The following RALYL variants were observed in gnomAD, a reference collection of about 807,000 sequenced individuals.
The protein encoded by RALYL is RALY RNA binding protein like.
In RALYL, 29 loss-of-function variants were observed where a neutral mutation model predicts 35.1. The ratio of observed to expected loss-of-function variants is 0.83; its 90% confidence interval spans 0.61 to 1.13. The LOEUF (loss-of-function observed/expected upper bound fraction) is 1.13. RALYL is among the 50% of genes most tolerant of loss of function. The pLI, the probability that RALYL is intolerant of heterozygous loss-of-function variation, is 0.00. For missense variants in RALYL, 359 were observed against 360.4 expected (o/e 1.00, Z 0.03); for synonymous variants, 120 against 127.6 (o/e 0.94, Z 0.40).
intron 2 of RALYL, among the ~76,000 whole-genome samples, chr8:84,764,296 G>A (rs978466968): frequency 6.6e-6 from 1 of 152,058 alleles, no homozygotes; most frequent in African/African-American, 2.4e-5. Flanking sequence ...AAATGTTCAT[G>A]TTTGTTTACC....
chr8:84,673,127 G>T (rs7016001), intron 2 of RALYL, among the ~76,000 whole-genome samples: 32,842 of 152,024 alleles, frequency 0.22, 3,720 homozygotes, highest in Non-Finnish European at 0.23. Context: ...GATCAGTGAT[G>T]TTAAGCTTTT....
At chr8:84,279,117 C>T (rs1384617478) in intron 1 of RALYL, among the ~76,000 whole-genome samples, 1 of 152,158 alleles carries the variant, frequency 6.6e-6, no homozygotes. Flanking sequence ...GCTTACATGG[C>T]AGCAGGCAAG....
At chr8:84,389,896 G>A (rs1395552352) in intron 1 of RALYL, among the ~76,000 whole-genome samples, 3 of 151,514 alleles carry the variant, frequency 2.0e-5, no homozygotes, top group Non-Finnish European at 2.9e-5. Context: ...TAGGAGTGGT[G>A]AGAGAGGGCA....
At chr8:84,547,157 C>T (rs2060416617) in intron 2 of RALYL, among the ~76,000 whole-genome samples, 1 of 152,004 alleles carries the variant, frequency 6.6e-6, no homozygotes, top group Admixed American at 6.6e-5. Context: ...TGATATTCCC[C>T]TCCCTGTGTT....
At chr8:84,692,070 G>A (rs1158250159) in intron 2 of RALYL, among the ~76,000 whole-genome samples, 2 of 151,736 alleles carry the variant, frequency 1.3e-5, no homozygotes, top group Non-Finnish European at 2.9e-5. Flanking sequence ...AAAATAGAAG[G>A]GATGTCTTTA....
At chr8:84,300,921 G>C (rs1397655051) in intron 1 of RALYL, among the ~76,000 whole-genome samples, 1 of 151,980 alleles carries the variant, frequency 6.6e-6, no homozygotes, top group East Asian at 1.9e-4. Context: ...ATTTGACCCT[G>C]TCATCCTGAT....
intron 1 of RALYL, among the ~76,000 whole-genome samples, chr8:84,194,124 T>C (rs536784851): frequency 4.7e-4 from 71 of 152,338 alleles, no homozygotes; most frequent in South Asian, 2.3e-3. Flanking sequence ...GAATAAATTT[T>C]AGAGTATGGT....
At chr8:84,662,118 C>A (rs777493177) in intron 2 of RALYL, among the ~76,000 whole-genome samples, 1 of 152,118 alleles carries the variant, frequency 6.6e-6, no homozygotes, top group Non-Finnish European at 1.5e-5. Flanking sequence ...CCTTAATATT[C>A]ATTCAATTTC....
intron 1 of RALYL, among the ~76,000 whole-genome samples, chr8:84,519,085 C>A (rs765889189): frequency 1.3e-5 from 2 of 152,152 alleles, no homozygotes; most frequent in African/African-American, 2.4e-5. Context: ...TATACTACAT[C>A]AATTATAAAT....
At chr8:84,489,751 A>G (rs1185485931) in intron 1 of RALYL, among the ~76,000 whole-genome samples, 1 of 152,046 alleles carries the variant, frequency 6.6e-6, no homozygotes, top group Admixed American at 6.6e-5. Flanking sequence ...CAGATAGACA[A>G]TGCCATGCCA....
At chr8:84,511,092 T>C (rs753366648) in intron 1 of RALYL, among the ~76,000 whole-genome samples, 40 of 152,198 alleles carry the variant, frequency 2.6e-4, no homozygotes, top group Non-Finnish European at 5.4e-4. Context: ...TCCCTAGCCC[T>C]TAAGCCTCTT....
chr8:84,289,574 G>A (rs1026145971), intron 1 of RALYL, among the ~76,000 whole-genome samples: 15 of 151,934 alleles, frequency 9.9e-5, no homozygotes, highest in Admixed American at 8.5e-4. Context: ...TAGAGTATGA[G>A]GATTTCCATT....
At chr8:84,715,899 A>C (rs1257770708) in intron 2 of RALYL, among the ~76,000 whole-genome samples, 1 of 152,108 alleles carries the variant, frequency 6.6e-6, no homozygotes, top group Non-Finnish European at 1.5e-5. Flanking sequence ...ATGGTCTCTT[A>C]TTATTGACAT....
At chr8:84,532,041 T>C (rs1312236863) in intron 2 of RALYL, among the ~76,000 whole-genome samples, 1 of 152,040 alleles carries the variant, frequency 6.6e-6, no homozygotes, top group African/African-American at 2.4e-5. Flanking sequence ...AGAGCATATA[T>C]CCTAATCATC....
intron 2 of RALYL, among the ~76,000 whole-genome samples, chr8:84,601,571 T>C (rs1196242906): frequency 2.6e-5 from 4 of 151,938 alleles, no homozygotes; most frequent in Non-Finnish European, 5.9e-5. Flanking sequence ...TCTTCCTGCC[T>C]TTGAACACAG....
intron 1 of RALYL, among the ~76,000 whole-genome samples, chr8:84,227,173 GC>G (rs1225910952): frequency 7.2e-6 from 1 of 139,110 alleles, no homozygotes; most frequent in African/African-American, 2.7e-5. Context: ...CGATTTTCCT[GC>G]CTCAGCCTCC....
chr8:84,505,441 A>G (rs1009609030), intron 1 of RALYL, among the ~76,000 whole-genome samples: 2 of 151,830 alleles, frequency 1.3e-5, no homozygotes, highest in African/African-American at 4.8e-5. Context: ...GTTGCCATAC[A>G]TATTATTTAC....
At chr8:84,761,783 A>G (rs1011839007) in intron 2 of RALYL, among the ~76,000 whole-genome samples, 2 of 152,204 alleles carry the variant, frequency 1.3e-5, no homozygotes, top group African/African-American at 2.4e-5. Context: ...ACAGGCAAAC[A>G]TGGGAGGGGG....
At chr8:84,463,831 A>C (rs968458038) in intron 1 of RALYL, among the ~76,000 whole-genome samples, 8 of 152,082 alleles carry the variant, frequency 5.3e-5, no homozygotes, top group African/African-American at 1.9e-4. Flanking sequence ...ACAGATGCAC[A>C]TAGTCATGTA....
Sources: allele counts gnomAD v4.1 joint callset (sites outside exome capture counted in the v4.1 genomes callset), GRCh38; gene constraint gnomAD v4.1.1; transcripts MANE v1.5; gene names NCBI Gene and HGNC (gene_info 2026-07-23, HGNC 2026-07-21).